WDR41: variants seen among roughly 807,000 people sequenced by gnomAD.
The protein encoded by WDR41 is WD repeat-containing protein 41.
In WDR41, 63 loss-of-function variants were observed where a neutral mutation model predicts 69.3. That is an observed-to-expected ratio of 0.91 (90% CI 0.74 to 1.12). The LOEUF is 1.12. Among genes scored for constraint, WDR41 ranks in the 50% most tolerant of loss-of-function variants. WDR41 has a pLI of 0.00. For synonymous variants in WDR41, 185 were observed against 192.1 expected (o/e 0.96, Z 0.31); for missense variants, 543 against 534.5 (o/e 1.02, Z -0.16).
intron 1 of WDR41, among the ~76,000 whole-genome samples, chr5:77,504,888 G>A (rs1156754003): frequency 6.6e-6 from 1 of 152,076 alleles, no homozygotes; most frequent in Non-Finnish European, 1.5e-5. Context: ...AATAATAAGA[G>A]ATATTTATGA....
At chr5:77,521,625 TA>T (rs995866649) in intron 1 of WDR41, among the ~76,000 whole-genome samples, 5 of 152,208 alleles carry the variant, frequency 3.3e-5, no homozygotes, top group Non-Finnish European at 7.4e-5. Context: ...CATCTTTCTA[TA>T]AAGTACTTGG....
chr5:77,432,011 A>G lies in WDR41; in HGVS notation c.*1124T>C, dbSNP rs753442094. ...ATTTGTAACATTATGCCACTGGTCTACTCAGATGACCTTAACTCTTCCAGT... is the reference window on the plus strand; with the variant it reads ...ATTTGTAACATTATGCCACTGGTCTGCTCAGATGACCTTAACTCTTCCAGT... On this transcript the variant is annotated 3_prime_UTR_variant, in exon 13 of 13. Transcript: ENST00000296679. The G allele has an allele frequency of 3.9e-5, 6 of 152,196 alleles. No homozygotes were observed. The East Asian group carries it at 7.7e-4, about 20-fold the overall frequency. 9.4% of individuals were successfully genotyped at this position (152,196 alleles called of 1,614,324 possible).
At chr5:77,493,597 A>G (rs537902932), upstream of WDR41, among the ~76,000 whole-genome samples, 3 of 152,290 alleles carry the variant, frequency 2.0e-5, no homozygotes, top group South Asian at 6.2e-4. Context: ...CACACTCCCA[A>G]GGATCAGGAG....
At chr5:77,578,958 AAG>A (rs1322512396) in intron 1 of WDR41, among the ~76,000 whole-genome samples, 2 of 151,954 alleles carry the variant, frequency 1.3e-5, no homozygotes, top group African/African-American at 4.8e-5. Context: ...AACTATAAAA[AAG>A]AGTCAAACAA....
At chr5:77,480,681 C>CGGGGAGGGGGG in intron 2 of WDR41, among the ~76,000 whole-genome samples, 1 of 93,630 alleles carries the variant, frequency 1.1e-5, no homozygotes, top group East Asian at 2.9e-4. Context: ...TTGTAGGGTG[C>CGGGGAGGGGGG]GGGGAGGGGG....
chr5:77,436,247 C>T lies in WDR41; in HGVS notation c.1227+14G>A. On this transcript the variant is annotated intron_variant, in intron 12 of 12. Coordinates refer to ENST00000296679, the MANE Select transcript of WDR41 (RefSeq NM_018268.4). ...CAGGAGTTGCTTGGACATTCTGTGG[C>T]TAAACAGCAATACCTCCACAGATGA... is the stretch of plus-strand genomic sequence containing the variant. 1 of 1,603,936 alleles carries T rather than the reference C, an allele frequency of 6.2e-7. No individual in the cohort carries two copies. Among genetic ancestry groups the T allele is most frequent in the Non-Finnish European group, 8.5e-7 (1 of 1,173,376 alleles).
At chr5:77,579,440 AAACTACACAAC>A (rs1743894702) in intron 1 of WDR41, among the ~76,000 whole-genome samples, 1 of 152,206 alleles carries the variant, frequency 6.6e-6, no homozygotes, top group South Asian at 2.1e-4. Flanking sequence ...GATTAACAGC[AAACTACACAAC>A]AAAACTCAAT....
chr5:77,503,013 CA>C, intron 1 of WDR41, among the ~76,000 whole-genome samples: 1 of 151,926 alleles, frequency 6.6e-6, no homozygotes, highest in Non-Finnish European at 1.5e-5. Context: ...TCACACATAA[CA>C]ATATTAACCT....
chr5:77,488,843 T>C (rs1427385635), intron 2 of WDR41, among the ~76,000 whole-genome samples: 4 of 152,202 alleles, frequency 2.6e-5, no homozygotes, highest in Non-Finnish European at 5.9e-5. Flanking sequence ...GTAATTATTA[T>C]GGTGAAACAT....
At chr5:77,477,334 T>G (rs1270214605) in intron 2 of WDR41, among the ~76,000 whole-genome samples, 1 of 148,550 alleles carries the variant, frequency 6.7e-6, no homozygotes, top group Non-Finnish European at 1.5e-5. Flanking sequence ...CTAATAGACA[T>G]CTACAGAACT....
intron 1 of WDR41, among the ~76,000 whole-genome samples, chr5:77,512,548 G>A (rs146234715): frequency 0.018 from 2,768 of 151,580 alleles, 63 homozygotes; most frequent in African/African-American, 0.055. Context: ...TCAAGAGATC[G>A]AGACCATCCT....
intron 1 of WDR41, among the ~76,000 whole-genome samples, chr5:77,565,639 A>G (rs1743611415): frequency 6.6e-6 from 1 of 152,034 alleles, no homozygotes; most frequent in South Asian, 2.1e-4. Context: ...TTCCTTCCCC[A>G]TCTACCCACC....
At chr5:77,472,875 C>A (rs2111988750) in intron 2 of WDR41, among the ~76,000 whole-genome samples, 1 of 152,156 alleles carries the variant, frequency 6.6e-6, no homozygotes, top group East Asian at 1.9e-4. Flanking sequence ...AATGCCATCC[C>A]CATCAAGCTA....
At chr5:77,464,695 T>G in intron 3 of WDR41, 66 bp downstream of exon 3, 1 of 1,496,646 alleles carries the variant, frequency 6.7e-7, no homozygotes, top group East Asian at 2.3e-5. Flanking sequence ...ATAGTATTTA[T>G]ATGAATACAT....
chr5:77,585,607 C>T (rs769950967), intron 1 of WDR41, among the ~76,000 whole-genome samples: 1 of 152,158 alleles, frequency 6.6e-6, no homozygotes, highest in African/African-American at 2.4e-5. Context: ...GATAAAGAAA[C>T]TGTGGTATAC....
intron 1 of WDR41, among the ~76,000 whole-genome samples, chr5:77,571,886 AG>A (rs1249965618): frequency 2.0e-5 from 3 of 152,150 alleles, no homozygotes; most frequent in Non-Finnish European, 2.9e-5. Flanking sequence ...TCTCAGGGAA[AG>A]GGGGAAAGTG....
At chr5:77,614,354 T>A (rs1349280696) in intron 1 of WDR41, among the ~76,000 whole-genome samples, 3 of 151,844 alleles carry the variant, frequency 2.0e-5, no homozygotes. Context: ...CATGTATGTT[T>A]ATTGTGGCAC....
At chr5:77,462,885 G>C (rs553959502) in intron 4 of WDR41, among the ~76,000 whole-genome samples, 2 of 152,296 alleles carry the variant, frequency 1.3e-5, no homozygotes, top group East Asian at 3.9e-4. Context: ...TAGTCACGGA[G>C]TTTCCATCAA....
At chr5:77,606,905 G>GAA (rs1195622632) in intron 1 of WDR41, among the ~76,000 whole-genome samples, 10 of 85,676 alleles carry the variant, frequency 1.2e-4, no homozygotes, top group Non-Finnish European at 2.1e-4. Flanking sequence ...CAATGAAAAA[G>GAA]AAAAAAAAAA....
Sources: gnomAD v4.1 joint callset for allele counts (sites outside exome capture counted in the v4.1 genomes callset) on GRCh38, gnomAD v4.1.1 for gene constraint, MANE v1.5 for transcripts, NCBI Gene and HGNC (gene_info 2026-07-23, HGNC 2026-07-21) for gene names.